Variants in UNC79 observed in about 807,000 individuals in gnomAD.
The protein encoded by UNC79 is protein unc-79 homolog.
UNC79 carries 37 observed loss-of-function variants against 283.1 expected under a neutral mutation model. That is an observed-to-expected ratio of 0.13 (90% CI 0.10 to 0.17). The LOEUF is 0.17. UNC79 is among the 10% of genes least tolerant of loss of function. The pLI, the probability that UNC79 is intolerant of heterozygous loss-of-function variation, is 1.00. For missense variants in UNC79, 2,272 were observed against 3,211.1 expected, an observed-to-expected ratio of 0.71 and a Z score of 7.07; for synonymous variants, 1,107 against 1,200.2, an observed-to-expected ratio of 0.92 and a Z score of 1.61.
intron 1 of UNC79, among the ~76,000 whole-genome samples, chr14:93,423,230 A>T (rs79122975): frequency 6.6e-6 from 1 of 152,268 alleles, no homozygotes; most frequent in Non-Finnish European, 1.5e-5. Flanking sequence ...GAAGAAGGAA[A>T]TATATTCCAT....
chr14:93,512,583 A>G (rs1273875177), intron 7 of UNC79, among the ~76,000 whole-genome samples: 1 of 152,106 alleles, frequency 6.6e-6, no homozygotes, highest in Non-Finnish European at 1.5e-5. Context: ...TTACCTGTGC[A>G]TTAGTTTGGA....
At chr14:93,521,599 C>T (rs554486941) in intron 7 of UNC79, among the ~76,000 whole-genome samples, 33 of 151,810 alleles carry the variant, frequency 2.2e-4, no homozygotes, top group African/African-American at 8.0e-4. Context: ...TCTCTTCTCT[C>T]AAGGATCACT....
At chr14:93,657,566 T>A (rs896863307) in intron 38 of UNC79, among the ~76,000 whole-genome samples, 4 of 152,288 alleles carry the variant, frequency 2.6e-5, no homozygotes, top group African/African-American at 9.6e-5. Flanking sequence ...TTAGCCAGGA[T>A]GGTCTTAATC....
chr14:93,458,829 T>G (rs2056864252), intron 1 of UNC79, among the ~76,000 whole-genome samples: 1 of 152,204 alleles, frequency 6.6e-6, no homozygotes, highest in South Asian at 2.1e-4. Flanking sequence ...TATAAGATGG[T>G]TTTGTCTCCA....
chr14:93,476,943 C>T (rs888374619), intron 3 of UNC79, among the ~76,000 whole-genome samples: 2 of 152,164 alleles, frequency 1.3e-5, no homozygotes, highest in Admixed American at 6.5e-5. Context: ...TCCTAACAAT[C>T]CTTCTAATGA....
intron 34 of UNC79, among the ~76,000 whole-genome samples, chr14:93,644,919 C>T (rs7159922): frequency 0.017 from 2,569 of 152,106 alleles, 72 homozygotes; most frequent in African/African-American, 0.059. Flanking sequence ...TTCAAAATAG[C>T]CCATGTGCCA....
intron 24 of UNC79, among the ~76,000 whole-genome samples, chr14:93,598,105 G>T (rs903027376): frequency 2.0e-5 from 3 of 151,848 alleles, no homozygotes; most frequent in African/African-American, 7.3e-5. Context: ...TCCTTCCTCA[G>T]CCTCCTGAAT....
chr14:93,439,499 T>C (rs910037911), intron 1 of UNC79, among the ~76,000 whole-genome samples: 3 of 152,096 alleles, frequency 2.0e-5, no homozygotes, highest in Non-Finnish European at 2.9e-5. Flanking sequence ...CATCATATTT[T>C]AAGAATTTTT....
intron 1 of UNC79, among the ~76,000 whole-genome samples, chr14:93,347,023 G>T (rs763442246): frequency 6.6e-6 from 1 of 151,768 alleles, no homozygotes; most frequent in Non-Finnish European, 1.5e-5. Context: ...CTAAGCAGAG[G>T]GGGTGGGGCA....
At chr14:93,499,429 AT>A (rs1426532453) in intron 7 of UNC79, among the ~76,000 whole-genome samples, 1 of 152,236 alleles carries the variant, frequency 6.6e-6, no homozygotes, top group African/African-American at 2.4e-5. Context: ...TTTGATAAAT[AT>A]TTGATGAGTA....
At chr14:93,612,089 A>G (rs1024732074) in intron 26 of UNC79, among the ~76,000 whole-genome samples, 7 of 152,194 alleles carry the variant, frequency 4.6e-5, no homozygotes, top group Non-Finnish European at 8.8e-5. Flanking sequence ...TTTTCTTTCC[A>G]TGTGAACTTT....
chr14:93,485,343 T>C (rs2058364363), intron 4 of UNC79, among the ~76,000 whole-genome samples: 1 of 151,984 alleles, frequency 6.6e-6, no homozygotes. Flanking sequence ...TTATTCTTCC[T>C]GCACCTGGAC....
intron 1 of UNC79, among the ~76,000 whole-genome samples, chr14:93,431,643 A>G (rs2055883182): frequency 6.6e-6 from 1 of 152,256 alleles, no homozygotes; most frequent in Non-Finnish European, 1.5e-5. Context: ...TGCGGTGCTT[A>G]CAAGAAAGTG....
chr14:93,405,640 C>A (rs1426373244), intron 1 of UNC79, among the ~76,000 whole-genome samples: 1 of 152,034 alleles, frequency 6.6e-6, no homozygotes, highest in Non-Finnish European at 1.5e-5. Context: ...TATTTGCTGG[C>A]TACAGTTTAG....
At chr14:93,696,456 T>C (rs2075136035) in intron 47 of UNC79, among the ~76,000 whole-genome samples, 1 of 152,230 alleles carries the variant, frequency 6.6e-6, no homozygotes. Flanking sequence ...GCATTCCCAG[T>C]TCCCCCACAT....
At chr14:93,662,918 T>C (rs2071760087) in intron 40 of UNC79, among the ~76,000 whole-genome samples, 1 of 151,836 alleles carries the variant, frequency 6.6e-6, no homozygotes, top group African/African-American at 2.4e-5. Context: ...ACACATACAA[T>C]GTCTAAAATA....
intron 20 of UNC79, among the ~76,000 whole-genome samples, chr14:93,586,171 G>A (rs1050312288): frequency 3.3e-5 from 5 of 152,066 alleles, no homozygotes; most frequent in Admixed American, 2.0e-4. Flanking sequence ...ATGAGCCACC[G>A]CGCCCATCCA....
intron 10 of UNC79, among the ~76,000 whole-genome samples, chr14:93,530,105 A>T (rs2060735724): frequency 1.3e-5 from 2 of 152,152 alleles, no homozygotes; most frequent in Admixed American, 1.3e-4. Context: ...AAATAAATGG[A>T]TTCCCATCCT....
At chr14:93,633,461 G>C (rs1356889856) in intron 31 of UNC79, among the ~76,000 whole-genome samples, 1 of 152,196 alleles carries the variant, frequency 6.6e-6, no homozygotes, top group African/African-American at 2.4e-5. Context: ...GTATAACATT[G>C]AAGAGTTTCC....
Sources: gnomAD v4.1 joint callset for allele counts (sites outside exome capture counted in the v4.1 genomes callset) on GRCh38, gnomAD v4.1.1 for gene constraint, MANE v1.5 for transcripts, NCBI Gene and HGNC (gene_info 2026-07-23, HGNC 2026-07-21) for gene names.